Variants in NCCRP1 observed in about 807,000 individuals in gnomAD.
NCCRP1 encodes F-box only protein 50.
Under a neutral mutation model 34.4 loss-of-function variants are expected in NCCRP1, and 32 were observed. That is an observed-to-expected ratio of 0.93 (90% CI 0.70 to 1.25). NCCRP1 has a LOEUF of 1.25. NCCRP1 is among the 50% of genes most tolerant of loss of function. The probability of loss-of-function intolerance (pLI) is 0.00; values close to 1 mark genes in which losing one functional copy is unlikely to be tolerated. For missense variants in NCCRP1, 372 were observed against 391.8 expected, an observed-to-expected ratio of 0.95 and a Z score of 0.43; for synonymous variants, 172 against 180.1, an observed-to-expected ratio of 0.95 and a Z score of 0.36.
chr19:39,199,130 C>G (rs780155177), intron 3 of NCCRP1, 40 bp from the exon 4 acceptor site: 8 of 1,580,386 alleles, frequency 5.1e-6, no homozygotes, highest in Non-Finnish European at 7.0e-6. Context: ...TGGATCCTGG[C>G]AGATCGCAGA....
At position 39,199,248 on chromosome 19, in the gene NCCRP1, C is replaced by T. The variant is rs1471795862; in HGVS notation, c.531C>T (p.Ala177=). 1 of 1,613,884 alleles carries T rather than the reference C, an allele frequency of 6.2e-7. No individual in the cohort carries two copies. The highest frequency in any genetic ancestry group is 1.3e-5 in the African/African-American group (1 of 74,998). The change falls in exon 4 of 6, where the codon GCC becomes GCT. Residue 177 remains alanine, a synonymous_variant. Transcript: ENST00000339852. ...AGCTGCTGGATGACGAACAACCAGC[C>T]ATTACGGTCATGGACTGGTGCGTGC... ...WEELLDDEQP[A]ITVMDWFEDS... is the part of the protein sequence containing the mutation.
At chr19:39,199,509 C>CTTTTTTTTTTTTTTTT (rs150534648) in intron 4 of NCCRP1, among the ~76,000 whole-genome samples, 4 of 67,866 alleles carry the variant, frequency 5.9e-5, no homozygotes, top group African/African-American at 1.3e-4. Context: ...TTTTTTCTTT[C>CTTTTTTTTTTTTTTTT]TTTTTTTTTT....
Position 39,200,434 on chromosome 19 carries a change from C to T in NCCRP1, c.637C>T (p.His213Tyr). 1 of 1,613,586 alleles carries T rather than the reference C, an allele frequency of 6.2e-7. No homozygotes were observed. The highest frequency in any genetic ancestry group is 8.5e-7 in the Non-Finnish European group (1 of 1,180,030). The part of the protein sequence containing the change: ...ADRRTVIAQH[H>Y]VAPRTSGRGP... ...CCGCCGCACGGTCATTGCTCAGCAC[C>T]ACGTGGCCCCCCGAACTTCTGGGAG... is the stretch of plus-strand genomic sequence containing the variant. Residue 213 changes from histidine to tyrosine, a missense_variant, in exon 5 of 6, where the codon CAC (histidine) becomes TAC (tyrosine). Coordinates refer to ENST00000339852, the MANE Select transcript of NCCRP1 (RefSeq NM_001001414.2). This position sits in a 1 kb window ranked among gnomAD's most constrained non-coding sequence, Gnocchi z 5.8.
intron 1 of NCCRP1, 99 bp downstream of exon 1, chr19:39,197,418 G>A (rs929707864): frequency 5.8e-6 from 6 of 1,041,332 alleles, no homozygotes; most frequent in South Asian, 2.1e-5. Flanking sequence ...GTCTCTCTCT[G>A]TCTATGCATT....
Sources: allele counts gnomAD v4.1 joint callset (sites outside exome capture counted in the v4.1 genomes callset), GRCh38; gene constraint gnomAD v4.1.1; non-coding constraint Gnocchi (gnomAD v3.1); transcripts MANE v1.5; gene names NCBI Gene and HGNC (gene_info 2026-07-23, HGNC 2026-07-21).